The following L3MBTL4 variants were observed in gnomAD, a reference collection of about 807,000 sequenced individuals.
The protein encoded by L3MBTL4 is lethal(3)malignant brain tumor-like protein 4.
In L3MBTL4, 70 loss-of-function variants were observed where a neutral mutation model predicts 84.5. The ratio of observed to expected loss-of-function variants is 0.83; its 90% confidence interval spans 0.68 to 1.01. The LOEUF is 1.01. L3MBTL4 is among the 50% of genes least tolerant of loss of function. The pLI is 0.00. For synonymous variants in L3MBTL4, 274 were observed against 259.8 expected (o/e 1.05, Z -0.52); for missense variants, 715 against 754.8 (o/e 0.95, Z 0.62).
intron 12 of L3MBTL4, among the ~76,000 whole-genome samples, chr18:6,210,811 T>G (rs1414773807): frequency 6.6e-6 from 1 of 152,154 alleles, no homozygotes; most frequent in Non-Finnish European, 1.5e-5. Flanking sequence ...AACCAAGGAG[T>G]GTAGGCTTGT....
chr18:6,245,087 G>C (rs2047603559), intron 5 of L3MBTL4, among the ~76,000 whole-genome samples: 2 of 152,214 alleles, frequency 1.3e-5, no homozygotes, highest in Non-Finnish European at 1.5e-5. Flanking sequence ...TTTTAGTAGA[G>C]ACGGGGTTTC....
intron 17 of L3MBTL4, among the ~76,000 whole-genome samples, chr18:5,962,390 A>G (rs1269665100): frequency 6.6e-6 from 1 of 152,176 alleles, no homozygotes; most frequent in African/African-American, 2.4e-5. Flanking sequence ...ACAGGGCCAA[A>G]GGGTGGGTGT....
At chr18:6,139,593 G>T (rs1221765924) in intron 13 of L3MBTL4, among the ~76,000 whole-genome samples, 1 of 151,894 alleles carries the variant, frequency 6.6e-6, no homozygotes, top group Non-Finnish European at 1.5e-5. Flanking sequence ...GCTGTTCTGG[G>T]CCTTACTTCT....
intron 10 of L3MBTL4, among the ~76,000 whole-genome samples, chr18:6,222,856 T>C: frequency 6.6e-6 from 1 of 151,540 alleles, no homozygotes; most frequent in Non-Finnish European, 1.5e-5. Flanking sequence ...ACAGTTCCAT[T>C]TAAAATACAG....
intron 1 of L3MBTL4, among the ~76,000 whole-genome samples, chr18:6,362,524 T>C (rs1282434426): frequency 6.6e-6 from 1 of 152,222 alleles, no homozygotes; most frequent in Non-Finnish European, 1.5e-5. Context: ...TTCATTTATG[T>C]AATCTGGTAT....
chr18:6,090,888 T>C (rs1311886978), intron 15 of L3MBTL4, among the ~76,000 whole-genome samples: 1 of 151,634 alleles, frequency 6.6e-6, no homozygotes, highest in Non-Finnish European at 1.5e-5. Flanking sequence ...GTTGCTTGTA[T>C]AAAAAAATTA....
At chr18:6,135,937 G>C (rs2060013850) in intron 14 of L3MBTL4, among the ~76,000 whole-genome samples, 2 of 152,150 alleles carry the variant, frequency 1.3e-5, no homozygotes, top group African/African-American at 4.8e-5. Context: ...ACAGGGGACT[G>C]GGAAAGAAAA....
intron 13 of L3MBTL4, among the ~76,000 whole-genome samples, chr18:6,140,887 C>G (rs2060176678): frequency 6.6e-6 from 1 of 152,018 alleles, no homozygotes; most frequent in South Asian, 2.1e-4. Context: ...CCTCAGGGCT[C>G]CTTTCCTGAG....
intron 16 of L3MBTL4, among the ~76,000 whole-genome samples, chr18:5,973,538 T>C (rs2052756125): frequency 6.6e-6 from 1 of 152,100 alleles, no homozygotes; most frequent in South Asian, 2.1e-4. Flanking sequence ...GATTTTAACT[T>C]TTTTTTACAA....
intron 6 of L3MBTL4, among the ~76,000 whole-genome samples, 158 bp from the exon 7 acceptor site, chr18:6,243,587 C>A (rs2047539550): frequency 6.6e-6 from 1 of 152,152 alleles, no homozygotes; most frequent in Non-Finnish European, 1.5e-5. Context: ...TTATGGATGA[C>A]CTCTGATTAA....
At chr18:6,348,207 T>C (rs1014601062) in intron 1 of L3MBTL4, among the ~76,000 whole-genome samples, 1 of 151,950 alleles carries the variant, frequency 6.6e-6, no homozygotes, top group Non-Finnish European at 1.5e-5. Flanking sequence ...ACAGTAAAGG[T>C]GACAATTATG....
intron 16 of L3MBTL4, among the ~76,000 whole-genome samples, chr18:6,043,381 CCTGGGATT>C (rs1220403835): frequency 6.6e-5 from 10 of 152,146 alleles, no homozygotes; most frequent in Non-Finnish European, 1.5e-4. Flanking sequence ...GTATTCCAGG[CCTGGGATT>C]CTACTGTTCA....
At chr18:6,049,258 TTAAAC>T (rs563819542) in intron 16 of L3MBTL4, among the ~76,000 whole-genome samples, 1 of 151,756 alleles carries the variant, frequency 6.6e-6, no homozygotes, top group South Asian at 2.1e-4. Flanking sequence ...TGGGACCTAA[TTAAAC>T]TAAGAAGTTT....
chr18:6,196,157 C>CTTTTTTTTTTTTTTTT (rs71370547), intron 12 of L3MBTL4, among the ~76,000 whole-genome samples: 3 of 130,224 alleles, frequency 2.3e-5, no homozygotes, highest in African/African-American at 9.8e-5. Context: ...TAGAGTTCCT[C>CTTTTTTTTTTTTTTTT]TTTTTTTTTT....
chr18:6,188,373 T>C (rs2044888520), intron 12 of L3MBTL4, among the ~76,000 whole-genome samples: 1 of 151,664 alleles, frequency 6.6e-6, no homozygotes, highest in African/African-American at 2.4e-5. Context: ...ACTGATATTT[T>C]AGGGAGTTCT....
At chr18:6,298,824 A>C (rs343270) in intron 4 of L3MBTL4, among the ~76,000 whole-genome samples, 182 of 152,276 alleles carry the variant, frequency 1.2e-3, no homozygotes, top group African/African-American at 4.1e-3. Flanking sequence ...CAGTGAGCCA[A>C]GATTGCGCCA....
Position 6,224,594 on chromosome 18 carries a change from C to A in L3MBTL4, c.785-8759G>T, listed in dbSNP as rs905258450. Among the ~76,000 whole-genome samples, 3 of 152,308 alleles carry A rather than the reference C, an allele frequency of 2.0e-5. No individual in the cohort carries two copies. In the East Asian group the frequency reaches 5.8e-4, roughly 29 times the overall value. On this transcript the variant is annotated intron_variant, in intron 10 of 18. Transcript: ENST00000317931. ...CACTCACAGAACAATGACCTCTCTACCCACTCCCATGGCCAGGATCTCAGA... is the reference window on the plus strand; with the variant it reads ...CACTCACAGAACAATGACCTCTCTAACCACTCCCATGGCCAGGATCTCAGA...
At chr18:6,046,745 A>T (rs1275299348) in intron 16 of L3MBTL4, 1 of 775,690 alleles carries the variant, frequency 1.3e-6, no homozygotes, top group Non-Finnish European at 2.4e-6. Context: ...TCTGGGATGC[A>T]GCACAAGCAC....
intron 16 of L3MBTL4, among the ~76,000 whole-genome samples, chr18:6,071,963 T>C (rs1198441487): frequency 6.6e-6 from 1 of 151,976 alleles, no homozygotes; most frequent in African/African-American, 2.4e-5. Flanking sequence ...ATAAGGACAA[T>C]GATGGAGCAT....
Sources: allele counts gnomAD v4.1 joint callset (sites outside exome capture counted in the v4.1 genomes callset), GRCh38; gene constraint gnomAD v4.1.1; transcripts MANE v1.5; gene names NCBI Gene and HGNC (gene_info 2026-07-23, HGNC 2026-07-21).